TLE2: variants seen among roughly 807,000 people sequenced by gnomAD.
TLE2 encodes transducin-like enhancer protein 2.
A neutral mutation model predicts 97.2 loss-of-function variants in TLE2; 74 were observed. The ratio of observed to expected loss-of-function variants is 0.76; its 90% CI spans 0.63 to 0.92. The LOEUF is 0.92. Ranked by LOEUF, TLE2 falls within the 40% of genes least tolerant of loss-of-function variation. The pLI is 0.00. For missense variants in TLE2, 1,038 were observed against 1,008.7 expected, an observed-to-expected ratio of 1.03 and a Z score of -0.39; for synonymous variants, 499 against 432.1, an observed-to-expected ratio of 1.15 and a Z score of -1.92.
chr19:3,003,244 G>A (rs1267467790), intron 17 of TLE2, among the ~76,000 whole-genome samples: 2 of 152,166 alleles, frequency 1.3e-5, no homozygotes, highest in African/African-American at 4.8e-5. Context: ...AGGGAGGAGG[G>A]ACAGAGAAGG....
In TLE2 at chr19:3,011,089, G is replaced by C; in HGVS notation, c.945C>G (p.Pro315=). 5 of 1,610,572 alleles carry C rather than the reference G, an allele frequency of 3.1e-6. No homozygotes were observed. The highest frequency in any genetic ancestry group is 4.2e-6 in the Non-Finnish European group (5 of 1,179,030). Residue 315 remains proline, a synonymous_variant, in exon 12 of 20, where the codon CCC becomes CCG. Transcript: ENST00000262953. ...AGAGGTGACTGGCCGAGCTGGGCCCGGGGGTGGAAGCGTCCTGGGGCGGGG... is the reference window on the plus strand; with the variant it reads ...AGAGGTGACTGGCCGAGCTGGGCCCCGGGGTGGAAGCGTCCTGGGGCGGGG... ...DSSPPQDAST[P]GPSSASHLCQ...
chr19:3,031,379 TG>T (rs2090023901), upstream of TLE2, among the ~76,000 whole-genome samples: 1 of 133,112 alleles, frequency 7.5e-6, no homozygotes, highest in African/African-American at 2.7e-5. Flanking sequence ...TGTGTGTGTG[TG>T]TGTGTGTAGT....
rs1207391559 is a variant in TLE2 at position 3,005,720 on chromosome 19, C to T, written c.1748+1G>A. ...AAGGTCCCAGCGCACCTGCCACCCA[C>T]CTGACCATAGTCTGATTCTGCAGGT... On this transcript the variant is annotated splice_donor_variant, in intron 16 of 19. Transcript: ENST00000262953. LOFTEE classifies it high-confidence loss of function. 1 of 1,612,886 alleles carries T rather than the reference C, an allele frequency of 6.2e-7. No homozygotes were observed. The highest frequency in any genetic ancestry group is 8.5e-7 in the Non-Finnish European group (1 of 1,179,084).
At position 3,025,128 on chromosome 19, in the gene TLE2, G is replaced by A. The variant is rs1260271402; in HGVS notation, c.232-46C>T. 7 of 1,550,542 alleles carry A rather than the reference G, an allele frequency of 4.5e-6. No individual in the cohort carries two copies. In the South Asian group the frequency reaches 6.0e-5, roughly 13 times the overall value. On this transcript the variant is annotated intron_variant, in intron 4 of 19. Transcript: ENST00000262953. ...GAAGCTTGGAGCGGGGTAGAGATTT[G>A]CAACCCAGCTCTGGACTCCCAGGCG...
At chr19:3,044,656 G>A (rs541772617) in intron 1 of TLE2, among the ~76,000 whole-genome samples, 1 of 152,300 alleles carries the variant, frequency 6.6e-6, no homozygotes, top group African/African-American at 2.4e-5. Context: ...CTGGCCTGAC[G>A]TGACCCTCCT....
intron 8 of TLE2, among the ~76,000 whole-genome samples, chr19:3,016,519 G>A (rs1342936559): frequency 6.7e-6 from 1 of 148,846 alleles, no homozygotes; most frequent in Non-Finnish European, 1.5e-5. Context: ...GAACCCAGGA[G>A]GCGGAGCTTA....
chr19:3,021,147 C>T (rs1481105416), intron 5 of TLE2, among the ~76,000 whole-genome samples: 2 of 140,890 alleles, frequency 1.4e-5, no homozygotes, highest in Admixed American at 1.5e-4. Flanking sequence ...TGACTCACAC[C>T]TGTAATCCCA....
Position 3,002,413 on chromosome 19 carries a change from C to G in TLE2, c.1987G>C (p.Glu663Gln). 6.2e-7 allele frequency: 1 copy of G among 1,613,688 alleles called. No homozygotes were observed. Among genetic ancestry groups the G allele is most frequent in the Non-Finnish European group, 8.5e-7 (1 of 1,179,850 alleles). ...TCGTGGAGGTGCAGCTGGTATTTCT[C>G]CGGCTTGCGGACGTGCAGGATCTCC... Reference protein sequence around the residue: ...NVEILHVRKPEKYQLHLHESC... With the variant: ...NVEILHVRKPQKYQLHLHESC... The change falls in exon 18 of 20, where the codon GAG (glutamate) becomes CAG (glutamine). Residue 663 changes from glutamate to glutamine, a missense_variant. Coordinates refer to ENST00000262953, the MANE Select transcript of TLE2 (RefSeq NM_003260.5).
chr19:3,028,299 G>A lies in TLE2; in HGVS notation c.186+20C>T, dbSNP rs772748770. On this transcript the variant is annotated intron_variant, in intron 3 of 19. Transcript: ENST00000262953. Reference sequence around the variant, plus strand: ...CCCTGCCCGCCTCTCCCCTCACCCTGGCATCATAAGTGCCCTCACCATGAC... The same window carrying A: ...CCCTGCCCGCCTCTCCCCTCACCCTAGCATCATAAGTGCCCTCACCATGAC... The A allele has an allele frequency of 1.2e-6, 2 of 1,601,074 alleles. No individual in the cohort carries two copies. Among genetic ancestry groups the A allele is most frequent in the South Asian group, 2.3e-5 (2 of 88,864 alleles).
intron 12 of TLE2, among the ~76,000 whole-genome samples, chr19:3,010,805 C>T (rs11665900): frequency 0.21 from 31,578 of 151,886 alleles, 3,436 homozygotes; most frequent in Admixed American, 0.24. Flanking sequence ...CCGACTAAGC[C>T]GCTTCCACTC....
At chr19:3,013,314 G>T (rs950679945) in intron 11 of TLE2, among the ~76,000 whole-genome samples, 3 of 151,910 alleles carry the variant, frequency 2.0e-5, no homozygotes, top group African/African-American at 7.3e-5. Context: ...CCTCTGGAAG[G>T]GCTCAACACA....
chr19:3,013,972 C>T (rs2089649841), intron 10 of TLE2, among the ~76,000 whole-genome samples, 154 bp from the exon 11 acceptor site: 1 of 148,588 alleles, frequency 6.7e-6, no homozygotes, highest in African/African-American at 2.5e-5. Context: ...CCTCAGTTTA[C>T]TCATCTGTAA....
chr19:3,042,185 G>A (rs1470596037), intron 1 of TLE2, among the ~76,000 whole-genome samples: 2 of 136,674 alleles, frequency 1.5e-5, no homozygotes, highest in Non-Finnish European at 3.2e-5. Flanking sequence ...AATGGAGGAG[G>A]AAACGGAGGG....
upstream of TLE2, among the ~76,000 whole-genome samples, chr19:3,032,927 C>T (rs1433034206): frequency 6.8e-6 from 1 of 146,602 alleles, no homozygotes; most frequent in Non-Finnish European, 1.5e-5. The surrounding 1 kb of genome is among the most constrained non-coding windows in gnomAD (Gnocchi z 4.1). Flanking sequence ...CCCACATCTT[C>T]CTTCTTGTTG....
chr19:3,028,688 T>C lies in TLE2; in HGVS notation c.122+18A>G. 1.2e-6 allele frequency: 2 copies of C among 1,610,272 alleles called. No homozygotes were observed. The highest frequency in any genetic ancestry group is 1.7e-6 in the Non-Finnish European group (2 of 1,178,544). On this transcript the variant is annotated intron_variant, in intron 2 of 19. Transcript: ENST00000262953. ...CGCCCAGGTGAACTCCCGCGGCCCC[T>C]GGGGCGGCCCCCCTCACCTGTGGTA...
At chr19:3,037,313 A>C (rs1271500223) in intron 1 of TLE2, among the ~76,000 whole-genome samples, 2 of 152,250 alleles carry the variant, frequency 1.3e-5, no homozygotes, top group Middle Eastern at 3.4e-3. Flanking sequence ...AAAACAAAAC[A>C]AAAAGATGTT....
At chr19:3,013,065 G>A (rs1028982670) in intron 11 of TLE2, among the ~76,000 whole-genome samples, 8 of 152,150 alleles carry the variant, frequency 5.3e-5, no homozygotes, top group African/African-American at 1.9e-4. Context: ...GAAACCGGGA[G>A]GGGAGGCCTA....
At chr19:3,043,364 C>CTTTTTTTT (rs71337196) in intron 1 of TLE2, among the ~76,000 whole-genome samples, 1 of 108,896 alleles carries the variant, frequency 9.2e-6, no homozygotes. Context: ...CCTTCTGCAG[C>CTTTTTTTT]TTTTTTTTTT....
Position 3,025,000 on chromosome 19 carries a change from C to A in TLE2, c.294+20G>T. On this transcript the variant is annotated intron_variant, in intron 5 of 19. Coordinates refer to ENST00000262953, the MANE Select transcript of TLE2 (RefSeq NM_003260.5). ...TTCCGGCTCCCTTCCCCTCCTCCCCCCACCCCCAGGCCCACTCACCTCCTG... is the reference window on the plus strand; with the variant it reads ...TTCCGGCTCCCTTCCCCTCCTCCCCACACCCCCAGGCCCACTCACCTCCTG... The A allele has an allele frequency of 1.3e-6, 2 of 1,577,998 alleles. No homozygotes were observed. The highest frequency in any genetic ancestry group is 8.6e-7 in the Non-Finnish European group (1 of 1,161,786).
Sources: allele counts gnomAD v4.1 joint callset (sites outside exome capture counted in the v4.1 genomes callset), GRCh38; gene constraint gnomAD v4.1.1; non-coding constraint Gnocchi (gnomAD v3.1); transcripts MANE v1.5; gene names NCBI Gene and HGNC (gene_info 2026-07-23, HGNC 2026-07-21).